The following TACC1 variants were observed in gnomAD, a reference collection of about 807,000 sequenced individuals.
TACC1 encodes transforming acidic coiled-coil containing protein 1, also known as transforming acidic coiled-coil-containing protein 1.
A neutral mutation model predicts 84.4 loss-of-function variants in TACC1; 48 were observed. The observed-to-expected ratio is 0.57, with a 90% CI of 0.45 to 0.72. The LOEUF (loss-of-function observed/expected upper bound fraction) is 0.72. Ranked by LOEUF, TACC1 falls within the 30% of genes least tolerant of loss-of-function variation. The pLI is 0.00. For missense variants in TACC1, 920 were observed against 973.0 expected (o/e 0.95, Z 0.72); for synonymous variants, 372 against 376.3 (o/e 0.99, Z 0.13).
intron 2 of TACC1, among the ~76,000 whole-genome samples, chr8:38,811,557 C>G (rs1824151344): frequency 6.6e-6 from 1 of 152,194 alleles, no homozygotes; most frequent in Non-Finnish European, 1.5e-5. Flanking sequence ...CCTGTCTTTA[C>G]TGCAATCTCT....
chr8:38,790,019 T>A (rs940579024), intron 2 of TACC1, among the ~76,000 whole-genome samples: 4 of 152,214 alleles, frequency 2.6e-5, no homozygotes, highest in Non-Finnish European at 5.9e-5. Context: ...CAGAAATTAT[T>A]CTCTCACAGT....
intron 4 of TACC1, among the ~76,000 whole-genome samples, chr8:38,826,245 A>G (rs537991604): frequency 2.6e-5 from 4 of 152,330 alleles, no homozygotes; most frequent in Admixed American, 2.6e-4. Context: ...TCATCTGTTA[A>G]CAAATGTGTA....
intron 3 of TACC1, among the ~76,000 whole-genome samples, chr8:38,764,482 G>T (rs1341465322): frequency 6.6e-6 from 1 of 150,558 alleles, no homozygotes; most frequent in Non-Finnish European, 1.5e-5. Flanking sequence ...ATTAGTAAGG[G>T]TTATGTTTAA....
chr8:38,788,615 G>A, intron 1 of TACC1, 89 bp from the exon 2 acceptor site: 1 of 1,056,916 alleles, frequency 9.5e-7, no homozygotes, highest in Admixed American at 2.3e-5. Context: ...CAAAAGTGCT[G>A]GACTTTTAGC....
intron 2 of TACC1, among the ~76,000 whole-genome samples, chr8:38,811,350 C>T (rs1824085216): frequency 6.6e-6 from 1 of 152,120 alleles, no homozygotes; most frequent in African/African-American, 2.4e-5. Context: ...TCTTTGCTAC[C>T]TCCTCCTACT....
At chr8:38,731,849 T>C (rs9298640) in intron 1 of TACC1, among the ~76,000 whole-genome samples, 6,284 of 152,242 alleles carry the variant, frequency 0.041, 410 homozygotes, top group African/African-American at 0.14. Context: ...TGGTGGCTCA[T>C]GCCTATAATC....
chr8:38,801,527 G>C (rs1278536071), intron 2 of TACC1, among the ~76,000 whole-genome samples: 4 of 152,142 alleles, frequency 2.6e-5, no homozygotes, highest in Admixed American at 6.5e-5. Context: ...GTTGGCCATA[G>C]GTACAAGTAT....
chr8:38,786,324 A>G (rs1817129060), upstream of TACC1, among the ~76,000 whole-genome samples: 1 of 152,204 alleles, frequency 6.6e-6, no homozygotes, highest in Non-Finnish European at 1.5e-5. Flanking sequence ...AAACCTAAAG[A>G]TGTCGCCAGG....
intron 3 of TACC1, among the ~76,000 whole-genome samples, chr8:38,754,434 C>T (rs1181910525): frequency 6.6e-6 from 1 of 152,192 alleles, no homozygotes; most frequent in Non-Finnish European, 1.5e-5. Flanking sequence ...GGAATAAAGA[C>T]CTTTCTCACC....
intron 2 of TACC1, among the ~76,000 whole-genome samples, chr8:38,810,810 A>T (rs144076561): frequency 6.6e-6 from 1 of 152,198 alleles, no homozygotes; most frequent in Non-Finnish European, 1.5e-5. Flanking sequence ...CTTATTCAAC[A>T]TCTCTGCTTC....
intron 3 of TACC1, among the ~76,000 whole-genome samples, chr8:38,767,902 A>G (rs1386775397): frequency 6.6e-6 from 1 of 152,050 alleles, no homozygotes; most frequent in Non-Finnish European, 1.5e-5. Context: ...CTATCTGTAC[A>G]AATAATTTTT....
In TACC1 at chr8:38,820,498, C is replaced by T. The variant is rs748167876; in HGVS notation, c.1254C>T (p.Asp418=). The change falls in exon 3 of 13, where the codon GAC becomes GAT. Residue 418 remains aspartate, a synonymous_variant. Transcript: ENST00000317827. ...PLSSEGSYHF[D]PDNFDESMDP... ...CTTCTGAGGGCTCCTACCACTTTGA[C>T]CCAGATAACTTTGACGAATCCATGG... 6.2e-6 allele frequency: 10 copies of T among 1,614,082 alleles called. No individual in the cohort carries two copies. The Admixed American group carries it at 1.5e-4, about 24-fold the overall frequency.
At chr8:38,836,486 T>C (rs1336809278) in intron 7 of TACC1, among the ~76,000 whole-genome samples, 199 bp downstream of exon 7, 2 of 152,186 alleles carry the variant, frequency 1.3e-5, no homozygotes, top group African/African-American at 2.4e-5. Context: ...GGGTAAAATG[T>C]TGACAATCTG....
intron 11 of TACC1, chr8:38,846,493 C>G (rs1450180937): frequency 8.6e-6 from 4 of 465,466 alleles, no homozygotes; most frequent in Non-Finnish European, 1.5e-5. Context: ...TAGTGAGATA[C>G]AAATTTTGAA....
At chr8:38,766,329 T>C (rs749499697) in intron 3 of TACC1, among the ~76,000 whole-genome samples, 3 of 152,280 alleles carry the variant, frequency 2.0e-5, no homozygotes, top group Non-Finnish European at 2.9e-5. Context: ...ATGATATTAA[T>C]GACACTTCTA....
Position 38,819,913 on chromosome 8 carries a change from G to C in TACC1, c.669G>C (p.Val223=). The C allele has an allele frequency of 1.9e-6, 3 of 1,614,120 alleles. No individual in the cohort carries two copies. The highest frequency in any genetic ancestry group is 2.5e-6 in the Non-Finnish European group (3 of 1,180,038). ...LKAGNSCPEL[V]PSRRSKLRKP... ...CTGGCAACTCCTGTCCAGAGCTTGT[G>C]CCCAGCAGAAGAAGCAAGCTGAGAA... Residue 223 remains valine, a synonymous_variant, in exon 3 of 13, where the codon GTG becomes GTC. Transcript: ENST00000317827.
intron 1 of TACC1, among the ~76,000 whole-genome samples, chr8:38,731,767 C>CAACAAAAAA (rs1172157673): frequency 4.6e-5 from 7 of 151,366 alleles, no homozygotes; most frequent in Non-Finnish European, 7.4e-5. Context: ...ACAACAACAA[C>CAACAAAAAA]AAAACTAGTC....
intron 3 of TACC1, among the ~76,000 whole-genome samples, chr8:38,746,016 T>C (rs1194119793): frequency 6.6e-6 from 1 of 152,088 alleles, no homozygotes; most frequent in Non-Finnish European, 1.5e-5. Context: ...GGGGTCTTGC[T>C]ATGTTGCCTA....
Position 38,840,268 on chromosome 8 carries a change from G to GT in TACC1, c.1960+2dup. 6.2e-7 allele frequency: 1 copy of GT among 1,612,712 alleles called. No individual in the cohort carries two copies. Among genetic ancestry groups the GT allele is most frequent in the Non-Finnish European group, 8.5e-7 (1 of 1,178,980 alleles). ...GAAAAGACTATTGCTCAAATGATTG[G>GT]TAAGGAGAACATTTTGTTTTTTGAG... is the stretch of plus-strand genomic sequence containing the variant. On this transcript the variant is annotated splice_donor_variant, in intron 9 of 12. Coordinates refer to ENST00000317827, the MANE Select transcript of TACC1 (RefSeq NM_006283.3). LOFTEE classifies it high-confidence loss of function.
Sources: gnomAD v4.1 joint callset for allele counts (sites outside exome capture counted in the v4.1 genomes callset) on GRCh38, gnomAD v4.1.1 for gene constraint, MANE v1.5 for transcripts, NCBI Gene and HGNC (gene_info 2026-07-23, HGNC 2026-07-21) for gene names.